The following HECW2 variants were observed in gnomAD, a reference collection of about 807,000 sequenced individuals.
HECW2 encodes the protein E3 ubiquitin-protein ligase HECW2.
A neutral mutation model predicts 175.2 loss-of-function variants in HECW2; 61 were observed. The ratio of observed to expected loss-of-function variants is 0.35; its 90% CI spans 0.28 to 0.43. The LOEUF is 0.43. HECW2 is among the 20% of genes least tolerant of loss of function. HECW2 has a pLI of 1.00. For synonymous variants in HECW2, 671 were observed against 731.0 expected, an observed-to-expected ratio of 0.92 and a Z score of 1.32; for missense variants, 1,524 against 2,000.5, an observed-to-expected ratio of 0.76 and a Z score of 4.54.
chr2:196,501,018 T>G (rs1687561482), intron 1 of HECW2, among the ~76,000 whole-genome samples: 1 of 152,260 alleles, frequency 6.6e-6, no homozygotes, highest in Non-Finnish European at 1.5e-5. Flanking sequence ...TACTTAATTC[T>G]TATCCAGAAG....
chr2:196,476,163 G>C (rs534283052), intron 1 of HECW2, among the ~76,000 whole-genome samples: 2 of 152,020 alleles, frequency 1.3e-5, no homozygotes. Flanking sequence ...AGGCAGGTGG[G>C]CTGGGAGCAG....
intron 2 of HECW2, among the ~76,000 whole-genome samples, chr2:196,423,060 G>A (rs747705576): frequency 6.6e-6 from 1 of 152,044 alleles, no homozygotes; most frequent in Non-Finnish European, 1.5e-5. Flanking sequence ...TTTTCCTTAG[G>A]TAGAAGTGGC....
At chr2:196,555,158 G>A (rs1305640015) in intron 1 of HECW2, among the ~76,000 whole-genome samples, 1 of 152,054 alleles carries the variant, frequency 6.6e-6, no homozygotes, top group Non-Finnish European at 1.5e-5. Context: ...TTTCTGTTTG[G>A]ACTGCTATAA....
At chr2:196,468,967 A>G (rs1697073489) in intron 1 of HECW2, among the ~76,000 whole-genome samples, 1 of 152,176 alleles carries the variant, frequency 6.6e-6, no homozygotes, top group Admixed American at 6.5e-5. Context: ...GGTTACATCC[A>G]CTACACTATA....
chr2:196,360,182 A>G (rs1343411575), intron 2 of HECW2, among the ~76,000 whole-genome samples: 1 of 152,206 alleles, frequency 6.6e-6, no homozygotes, highest in Non-Finnish European at 1.5e-5. Flanking sequence ...CGACCCAGCA[A>G]TCCCACTTCT....
At chr2:196,351,544 A>G (rs1693171131) in intron 2 of HECW2, among the ~76,000 whole-genome samples, 1 of 152,220 alleles carries the variant, frequency 6.6e-6, no homozygotes, top group Non-Finnish European at 1.5e-5. Context: ...CAATCAACCC[A>G]GGAGAGTTAA....
chr2:196,223,893 T>G (rs1010817700), intron 23 of HECW2, among the ~76,000 whole-genome samples: 1 of 152,134 alleles, frequency 6.6e-6, no homozygotes, highest in African/African-American at 2.4e-5. Flanking sequence ...GAGGCAAACA[T>G]GTAGCAATCA....
chr2:196,295,882 G>C (rs1413977355), intron 13 of HECW2, among the ~76,000 whole-genome samples: 4 of 152,098 alleles, frequency 2.6e-5, no homozygotes, highest in Admixed American at 2.6e-4. Context: ...CATGTAGTAT[G>C]GTGCCAAACA....
At chr2:196,430,071 C>T (rs1179966841) in intron 2 of HECW2, among the ~76,000 whole-genome samples, 3 of 152,302 alleles carry the variant, frequency 2.0e-5, no homozygotes, top group Admixed American at 2.0e-4. Flanking sequence ...ATCAGAAATG[C>T]TGCTGCTCAG....
At chr2:196,548,829 C>T (rs570538190) in intron 1 of HECW2, among the ~76,000 whole-genome samples, 9 of 152,264 alleles carry the variant, frequency 5.9e-5, no homozygotes, top group African/African-American at 1.9e-4. Context: ...TTATAGGTGG[C>T]GGTCTTTCTC....
At chr2:196,281,509 A>G (rs1390881101) in intron 14 of HECW2, among the ~76,000 whole-genome samples, 1 of 151,794 alleles carries the variant, frequency 6.6e-6, no homozygotes, top group Admixed American at 6.6e-5. Flanking sequence ...ATGTGGTGGC[A>G]GACACCTGTA....
At chr2:196,240,800 C>T (rs4327253) in intron 20 of HECW2, among the ~76,000 whole-genome samples, 148,235 of 152,088 alleles carry the variant, frequency 0.97, 72,376 homozygotes, top group East Asian at 1. Flanking sequence ...TGTAAACAAC[C>T]GGAGAATCCT....
intron 1 of HECW2, among the ~76,000 whole-genome samples, chr2:196,438,335 T>C (rs566484213): frequency 1.3e-5 from 2 of 152,322 alleles, no homozygotes; most frequent in Middle Eastern, 3.4e-3. Context: ...ATAAAACAGA[T>C]GAAAATTTTA....
At chr2:196,471,077 T>C (rs952830423) in intron 1 of HECW2, among the ~76,000 whole-genome samples, 1 of 151,200 alleles carries the variant, frequency 6.6e-6, no homozygotes, top group Admixed American at 6.6e-5. Context: ...GAGATTCATA[T>C]GGACAATGGT....
At chr2:196,423,394 T>C (rs1388477436) in intron 2 of HECW2, among the ~76,000 whole-genome samples, 1 of 152,128 alleles carries the variant, frequency 6.6e-6, no homozygotes, top group Non-Finnish European at 1.5e-5. Context: ...TGTCTAACTA[T>C]AGCGCCTGTG....
At chr2:196,317,179 C>T in intron 10 of HECW2, 95 bp downstream of exon 10, 3 of 949,154 alleles carry the variant, frequency 3.2e-6, no homozygotes, top group Admixed American at 2.0e-5. Context: ...CGCTTGAAGA[C>T]CATGTATCCA....
chr2:196,257,536 C>T (rs1414748228), intron 18 of HECW2, among the ~76,000 whole-genome samples: 2 of 152,150 alleles, frequency 1.3e-5, no homozygotes, highest in African/African-American at 4.8e-5. Flanking sequence ...CCCTTCTGTT[C>T]CATTCTGTGA....
intron 1 of HECW2, among the ~76,000 whole-genome samples, chr2:196,561,883 T>C (rs996845132): frequency 1.3e-5 from 2 of 152,120 alleles, no homozygotes; most frequent in African/African-American, 2.4e-5. Flanking sequence ...ACCTCTAAAA[T>C]AGTTTACCAA....
At chr2:196,563,690 T>C (rs1690083384) in intron 1 of HECW2, among the ~76,000 whole-genome samples, 1 of 152,184 alleles carries the variant, frequency 6.6e-6, no homozygotes, top group Non-Finnish European at 1.5e-5. Flanking sequence ...TAGATCTGAA[T>C]AATTTGTGCA....
Sources: allele counts gnomAD v4.1 joint callset (sites outside exome capture counted in the v4.1 genomes callset), GRCh38; gene constraint gnomAD v4.1.1; transcripts MANE v1.5; gene names NCBI Gene and HGNC (gene_info 2026-07-23, HGNC 2026-07-21).